GAS2L3: variants seen among roughly 807,000 people sequenced by gnomAD.
The protein encoded by GAS2L3 is growth arrest specific 2 like 3, also known as GAS2-like protein 3.
In GAS2L3, 28 loss-of-function variants were observed where a neutral mutation model predicts 37.0. That is an observed-to-expected ratio of 0.76 (90% CI 0.56 to 1.04). The LOEUF (loss-of-function observed/expected upper bound fraction) is 1.04, where lower values mean the gene tolerates loss of function less well. Among genes scored for constraint, GAS2L3 ranks in the 50% least tolerant of loss-of-function variants. The pLI is 0.00. For missense variants in GAS2L3, 793 were observed against 817.6 expected (o/e 0.97, Z 0.37); for synonymous variants, 290 against 296.6 (o/e 0.98, Z 0.23).
intron 1 of GAS2L3, among the ~76,000 whole-genome samples, chr12:100,587,566 C>T (rs527259653): frequency 6.6e-6 from 1 of 152,276 alleles, no homozygotes; most frequent in South Asian, 2.1e-4. Flanking sequence ...GCAAAATCGG[C>T]ATACAAGGGG....
intron 1 of GAS2L3, among the ~76,000 whole-genome samples, chr12:100,583,502 T>TCTTCCTTC (rs767719224): frequency 6.6e-6 from 1 of 152,132 alleles, no homozygotes; most frequent in Non-Finnish European, 1.5e-5. Flanking sequence ...TTTCTTTCTT[T>TCTTCCTTC]CTTCCTTCCT....
intron 2 of GAS2L3, among the ~76,000 whole-genome samples, chr12:100,593,223 A>G (rs1264753795): frequency 6.6e-6 from 1 of 152,146 alleles, no homozygotes; most frequent in African/African-American, 2.4e-5. Flanking sequence ...AATGAAAAGC[A>G]CATGCTCATG....
At chr12:100,596,190 C>T (rs1955909724) in intron 3 of GAS2L3, among the ~76,000 whole-genome samples, 1 of 152,048 alleles carries the variant, frequency 6.6e-6, no homozygotes, top group Admixed American at 6.6e-5. Context: ...CCTCTCACAT[C>T]CACTTGCATA....
At chr12:100,614,597 A>T (rs1956164726) in intron 6 of GAS2L3, among the ~76,000 whole-genome samples, 1 of 152,226 alleles carries the variant, frequency 6.6e-6, no homozygotes, top group South Asian at 2.1e-4. Context: ...AGTGGTTTTT[A>T]GTATATTCAC....
intron 1 of GAS2L3, among the ~76,000 whole-genome samples, chr12:100,580,379 C>A (rs1283376644): frequency 6.6e-6 from 1 of 152,074 alleles, no homozygotes; most frequent in Non-Finnish European, 1.5e-5. Flanking sequence ...TTAGGCAATT[C>A]CTGAGTGTAG....
intron 1 of GAS2L3, chr12:100,579,279 G>A (rs1955677977): frequency 1.6e-6 from 1 of 618,274 alleles, no homozygotes; most frequent in Non-Finnish European, 3.0e-6. Flanking sequence ...TGTGACACAA[G>A]CCGTATCATT....
At chr12:100,583,514 C>T (rs1593160047) in intron 1 of GAS2L3, among the ~76,000 whole-genome samples, 1 of 152,152 alleles carries the variant, frequency 6.6e-6, no homozygotes, top group African/African-American at 2.4e-5. Flanking sequence ...TTCCTTCCTT[C>T]CTTCCTTTCT....
intron 6 of GAS2L3, among the ~76,000 whole-genome samples, chr12:100,615,720 G>A (rs1443882213): frequency 6.6e-6 from 1 of 152,138 alleles, no homozygotes. Flanking sequence ...ATGTCCAGTT[G>A]TGCCAACACC....
intron 1 of GAS2L3, among the ~76,000 whole-genome samples, chr12:100,583,663 G>A (rs574830421): frequency 5.9e-5 from 9 of 152,128 alleles, no homozygotes; most frequent in Admixed American, 3.3e-4. Flanking sequence ...TAGTAGAGAC[G>A]GGGCTTCACC....
At position 100,600,565 on chromosome 12, in the gene GAS2L3, A is replaced by G; in HGVS notation, c.187+15A>G. The G allele has an allele frequency of 6.3e-7, 1 of 1,594,948 alleles. No homozygotes were observed. The highest frequency in any genetic ancestry group is 8.6e-7 in the Non-Finnish European group (1 of 1,163,902). ...TGGTTTATTAGGTGAGGCTTGAAAC[A>G]ATACCCAAAATTGTATTATCTTATT... is the stretch of plus-strand genomic sequence containing the variant. On this transcript the variant is annotated intron_variant, in intron 4 of 9. Transcript: ENST00000547754.
chr12:100,623,259 G>A (rs1401392935), intron 9 of GAS2L3, among the ~76,000 whole-genome samples: 1 of 152,012 alleles, frequency 6.6e-6, no homozygotes, highest in Non-Finnish European at 1.5e-5. Context: ...GAATGGACAG[G>A]GCCCTAAAAC....
At chr12:100,590,742 T>TA (rs1486972079) in intron 1 of GAS2L3, among the ~76,000 whole-genome samples, 2 of 152,150 alleles carry the variant, frequency 1.3e-5, no homozygotes, top group African/African-American at 4.8e-5. Flanking sequence ...GATGGAATAT[T>TA]ATGCAGCCAT....
At chr12:100,600,181 G>A (rs761403291) in intron 3 of GAS2L3, among the ~76,000 whole-genome samples, 2 of 152,046 alleles carry the variant, frequency 1.3e-5, no homozygotes, top group South Asian at 2.1e-4. Context: ...AACCATAATC[G>A]CATCACTGCA....
chr12:100,579,005 A>T (rs1006557369), intron 1 of GAS2L3: 2 of 846,226 alleles, frequency 2.4e-6, no homozygotes, highest in Admixed American at 1.8e-5. Context: ...TAATGACCTC[A>T]AAGTCTATTA....
chr12:100,599,613 T>A (rs2136460881), intron 3 of GAS2L3, among the ~76,000 whole-genome samples: 1 of 152,334 alleles, frequency 6.6e-6, no homozygotes, highest in South Asian at 2.1e-4. Context: ...ATAACACTGT[T>A]ATTATGATTT....
intron 6 of GAS2L3, among the ~76,000 whole-genome samples, chr12:100,615,960 T>C (rs1318609020): frequency 6.6e-6 from 1 of 152,088 alleles, no homozygotes; most frequent in African/African-American, 2.4e-5. Context: ...TGGTTAGGCT[T>C]TTCTGTGCCC....
At chr12:100,599,603 A>G (rs967848752) in intron 3 of GAS2L3, among the ~76,000 whole-genome samples, 1 of 152,226 alleles carries the variant, frequency 6.6e-6, no homozygotes, top group African/African-American at 2.4e-5. Context: ...TTTTTTAAAG[A>G]TAACACTGTT....
At chr12:100,600,838 A>C (rs1955979036) in intron 4 of GAS2L3, among the ~76,000 whole-genome samples, 1 of 152,172 alleles carries the variant, frequency 6.6e-6, no homozygotes, top group Non-Finnish European at 1.5e-5. Flanking sequence ...ATCTTTAAAA[A>C]TTGTATTGGT....
Position 100,624,247 on chromosome 12 carries a change from C to T in GAS2L3, c.1442C>T (p.Ser481Phe). The T allele has an allele frequency of 5.6e-6, 9 of 1,613,996 alleles. No homozygotes were observed. Among genetic ancestry groups the T allele is most frequent in the Non-Finnish European group, 7.6e-6 (9 of 1,179,942 alleles). ...TATTTGAAACATAATCATATTTCTT[C>T]CAGAGATAATGCAGTATCTCACTTA... The part of the protein sequence containing the change: ...PKYLKHNHIS[S>F]RDNAVSHLAA... Residue 481 changes from serine to phenylalanine, a missense_variant, in exon 10 of 10, where the codon TCC becomes TTC. Transcript: ENST00000547754.
Sources: gnomAD v4.1 joint callset for allele counts (sites outside exome capture counted in the v4.1 genomes callset) on GRCh38, gnomAD v4.1.1 for gene constraint, MANE v1.5 for transcripts, NCBI Gene and HGNC (gene_info 2026-07-23, HGNC 2026-07-21) for gene names.